The following PHC3 variants were observed in gnomAD, a reference collection of about 807,000 sequenced individuals.
PHC3 encodes the protein polyhomeotic homolog 3.
PHC3 carries 13 observed loss-of-function variants against 107.4 expected under a neutral mutation model. The ratio of observed to expected loss-of-function variants is 0.12; its 90% CI spans 0.08 to 0.19. PHC3 has a LOEUF of 0.19. Among genes scored for constraint, PHC3 ranks in the 10% least tolerant of loss-of-function variants. The pLI is 1.00. For missense variants in PHC3, 992 were observed against 1,210.9 expected, an observed-to-expected ratio of 0.82 and a Z score of 2.68; for synonymous variants, 456 against 427.4, an observed-to-expected ratio of 1.07 and a Z score of -0.83.
chr3:170,180,214 A>AG (rs1731161781), intron 1 of PHC3, among the ~76,000 whole-genome samples: 2 of 151,734 alleles, frequency 1.3e-5, no homozygotes. Context: ...CCTACCACTC[A>AG]GGGGGAGGAC....
At chr3:170,111,329 CG>C (rs1717679307) in intron 11 of PHC3, among the ~76,000 whole-genome samples, 2 of 91,386 alleles carry the variant, frequency 2.2e-5, no homozygotes, top group African/African-American at 8.8e-5. Context: ...AACGAACGAA[CG>C]AAAGAACAAA....
At chr3:170,171,919 G>A (rs1425638304) in intron 3 of PHC3, among the ~76,000 whole-genome samples, 2 of 151,952 alleles carry the variant, frequency 1.3e-5, no homozygotes, top group Non-Finnish European at 2.9e-5. Context: ...TCTGGTGAGG[G>A]GATTTAAGAT....
intron 11 of PHC3, among the ~76,000 whole-genome samples, chr3:170,112,873 T>C (rs1718107134): frequency 6.6e-6 from 1 of 152,190 alleles, no homozygotes; most frequent in South Asian, 2.1e-4. Context: ...AGTTTTCTCG[T>C]TGAACAAATG....
intron 5 of PHC3, among the ~76,000 whole-genome samples, chr3:170,146,877 C>CT (rs1035803336): frequency 0.025 from 2,451 of 97,916 alleles, 63 homozygotes; most frequent in African/African-American, 0.047. Context: ...TCTATTTTTT[C>CT]TTTTTTTTTT....
At chr3:170,139,625 T>C (rs1418532765) in intron 6 of PHC3, among the ~76,000 whole-genome samples, 1 of 152,250 alleles carries the variant, frequency 6.6e-6, no homozygotes, top group African/African-American at 2.4e-5. Context: ...AATGTTTATA[T>C]ACTTACATAC....
intron 12 of PHC3, among the ~76,000 whole-genome samples, chr3:170,103,240 A>G (rs1198456364): frequency 6.6e-6 from 1 of 152,184 alleles, no homozygotes; most frequent in African/African-American, 2.4e-5. Context: ...GAGGATAACC[A>G]ATTTTCATAG....
intron 5 of PHC3, among the ~76,000 whole-genome samples, chr3:170,146,486 A>T (rs1724970409): frequency 6.6e-6 from 1 of 151,174 alleles, no homozygotes; most frequent in Non-Finnish European, 1.5e-5. Flanking sequence ...AAAAACAAAG[A>T]CATTTAATTT....
At chr3:170,123,562 G>A (rs1720766992) in intron 8 of PHC3, among the ~76,000 whole-genome samples, 1 of 152,074 alleles carries the variant, frequency 6.6e-6, no homozygotes, top group Non-Finnish European at 1.5e-5. Context: ...GCTGAGGTGG[G>A]TGGATCACCG....
intron 4 of PHC3, among the ~76,000 whole-genome samples, chr3:170,164,470 G>C (rs540260310): frequency 6.6e-6 from 1 of 151,996 alleles, no homozygotes; most frequent in South Asian, 2.1e-4. Flanking sequence ...ATGGATACAC[G>C]CAAATAACTT....
intron 4 of PHC3, among the ~76,000 whole-genome samples, chr3:170,167,312 C>T (rs1386048370): frequency 2.0e-5 from 3 of 152,200 alleles, no homozygotes; most frequent in African/African-American, 7.2e-5. Flanking sequence ...CCACATCCAG[C>T]TAATTTTTTG....
At chr3:170,145,884 A>G (rs1377380406) in intron 5 of PHC3, among the ~76,000 whole-genome samples, 1 of 151,602 alleles carries the variant, frequency 6.6e-6, no homozygotes, top group Non-Finnish European at 1.5e-5. Flanking sequence ...AATGGGAAGT[A>G]AACAACTAGT....
At position 170,094,595 on chromosome 3, in the gene PHC3, G is replaced by C. The variant is rs745826003; in HGVS notation, c.*2635C>G. 4.6e-5 allele frequency: 7 copies of C among 152,086 alleles called. No individual in the cohort carries two copies. The highest frequency in any genetic ancestry group is 1.0e-4 in the Non-Finnish European group (7 of 68,014). The allele number at this position is 152,086 out of a possible 1,614,324, so 9.4% of individuals were successfully genotyped here. ...AGGAGAGAGGTGGATGCTCAGTGTT[G>C]TCTATATATCCATTATATATAGCTG... On this transcript the variant is annotated 3_prime_UTR_variant, in exon 15 of 15. Coordinates refer to ENST00000495893, the MANE Select transcript of PHC3 (RefSeq NM_024947.4).
rs1714680631 is a variant in PHC3 at position 170,096,698 on chromosome 3, T to C, written c.*532A>G. 6.6e-6 allele frequency: 1 copy of C among 152,254 alleles called. No homozygotes were observed. Among genetic ancestry groups the C allele is most frequent in the Non-Finnish European group, 1.5e-5 (1 of 68,062 alleles). The allele number at this position is 152,254 out of a possible 1,614,324, so 9.4% of individuals were successfully genotyped here. On this transcript the variant is annotated 3_prime_UTR_variant, in exon 15 of 15. Coordinates refer to ENST00000495893, the MANE Select transcript of PHC3 (RefSeq NM_024947.4). ...CAGTATTGTTCATACTAGAACACAA[T>C]TCCTTTTTTATAGATAAAGCATATG...
intron 8 of PHC3, among the ~76,000 whole-genome samples, chr3:170,123,888 C>T (rs1307548397): frequency 6.6e-6 from 1 of 151,892 alleles, no homozygotes; most frequent in Non-Finnish European, 1.5e-5. Flanking sequence ...CGCTCTGTTG[C>T]CAGGCTGGAG....
chr3:170,089,563 AAAAT>A lies in PHC3; in HGVS notation c.*7663_*7666del, dbSNP rs1713856316. ...GTAATCTTTCTTAATTTAAAAACAA[AAAAT>A]AAATGAACAAGTCAGTTCCAATGAT... On this transcript the variant is annotated 3_prime_UTR_variant, in exon 15 of 15. Transcript: ENST00000495893. 1 of 152,254 alleles carries A rather than the reference AAAAT, an allele frequency of 6.6e-6. No homozygotes were observed. Among genetic ancestry groups the A allele is most frequent in the South Asian group, 2.1e-4 (1 of 4,838 alleles). The allele number at this position is 152,254 out of a possible 1,614,324, so 9.4% of individuals were successfully genotyped here. A position where few individuals can be genotyped will look rare whatever the true frequency, so the allele number is the denominator to read the frequency against.
intron 7 of PHC3, among the ~76,000 whole-genome samples, chr3:170,134,229 AC>A (rs1202927060): frequency 2.6e-5 from 4 of 151,848 alleles, no homozygotes; most frequent in Non-Finnish European, 5.9e-5. Flanking sequence ...TTGCTCTGTC[AC>A]CCAGGCTGGA....
chr3:170,137,716 T>C (rs572183474), intron 6 of PHC3, among the ~76,000 whole-genome samples: 2 of 152,272 alleles, frequency 1.3e-5, no homozygotes, highest in East Asian at 3.9e-4. Context: ...CTGGCCAACA[T>C]GGTGAAACTC....
chr3:170,128,591 A>G, intron 8 of PHC3, 93 bp downstream of exon 8: 1 of 1,420,430 alleles, frequency 7.0e-7, no homozygotes, highest in Non-Finnish European at 9.4e-7. Context: ...TTTAGTTCAC[A>G]GGCATTTAGA....
At chr3:170,155,112 A>C (rs1726679416) in intron 4 of PHC3, among the ~76,000 whole-genome samples, 1 of 152,202 alleles carries the variant, frequency 6.6e-6, no homozygotes, top group Non-Finnish European at 1.5e-5. Context: ...GAAAGAAACA[A>C]GTCTGCCAGA....
Sources: allele counts gnomAD v4.1 joint callset (sites outside exome capture counted in the v4.1 genomes callset), GRCh38; gene constraint gnomAD v4.1.1; transcripts MANE v1.5; gene names NCBI Gene and HGNC (gene_info 2026-07-23, HGNC 2026-07-21).